The following MYH10 variants were observed in gnomAD, a reference collection of about 807,000 sequenced individuals.
The protein encoded by MYH10 is myosin heavy chain 10, also known as myosin-10.
MYH10 carries 55 observed loss-of-function variants against 257.8 expected under a neutral mutation model. That is an observed-to-expected ratio of 0.21 (90% CI 0.17 to 0.27). MYH10 has a LOEUF of 0.27. Ranked by LOEUF, MYH10 falls within the 10% of genes least tolerant of loss-of-function variation. The pLI is 1.00. For missense variants in MYH10, 1,631 were observed against 2,500.6 expected (o/e 0.65, Z 7.42); for synonymous variants, 854 against 921.7 (o/e 0.93, Z 1.33).
chr17:8,601,236 C>G (rs999708168), intron 3 of MYH10, among the ~76,000 whole-genome samples: 6 of 152,140 alleles, frequency 3.9e-5, no homozygotes, highest in Admixed American at 3.9e-4. Flanking sequence ...GCATCAGGAA[C>G]AAAGGAAGAC....
chr17:8,603,113 A>C (rs1180455557), intron 3 of MYH10, among the ~76,000 whole-genome samples: 1 of 152,204 alleles, frequency 6.6e-6, no homozygotes, highest in African/African-American at 2.4e-5. Context: ...ATCCCTGTTA[A>C]CTATTATGTT....
At chr17:8,527,300 G>T (rs1160508787) in intron 17 of MYH10, among the ~76,000 whole-genome samples, 1 of 152,186 alleles carries the variant, frequency 6.6e-6, no homozygotes, top group African/African-American at 2.4e-5. Flanking sequence ...GATTTAAGGA[G>T]AAAGCAATCT....
intron 23 of MYH10, among the ~76,000 whole-genome samples, chr17:8,513,176 G>C (rs532158707): frequency 9.2e-5 from 14 of 152,290 alleles, no homozygotes; most frequent in Non-Finnish European, 1.9e-4. Flanking sequence ...CTCTACTCAA[G>C]CATCTCGTCC....
intron 35 of MYH10, among the ~76,000 whole-genome samples, chr17:8,489,708 A>AAAACACACACACAC (rs1555570828): frequency 3.2e-5 from 3 of 93,146 alleles, no homozygotes; most frequent in African/African-American, 1.1e-4. Flanking sequence ...CGTCTGAAAA[A>AAAACACACACACAC]ACACACACAC....
At chr17:8,544,428 G>T (rs889384728) in intron 13 of MYH10, among the ~76,000 whole-genome samples, 1 of 152,004 alleles carries the variant, frequency 6.6e-6, no homozygotes, top group African/African-American at 2.4e-5. Context: ...TCTTCTGATC[G>T]TTTATGTAGA....
intron 21 of MYH10, among the ~76,000 whole-genome samples, chr17:8,516,825 T>C (rs2081482016): frequency 6.6e-6 from 1 of 152,170 alleles, no homozygotes; most frequent in African/African-American, 2.4e-5. Context: ...TTATTATTTA[T>C]ATAGTATCTA....
At chr17:8,481,807 A>C (rs1187707523) in intron 37 of MYH10, among the ~76,000 whole-genome samples, 4 of 152,214 alleles carry the variant, frequency 2.6e-5, no homozygotes, top group South Asian at 2.1e-4. Flanking sequence ...TCTTTCACAT[A>C]AACAGTTTGA....
At chr17:8,594,024 G>A (rs2084269600) in intron 3 of MYH10, among the ~76,000 whole-genome samples, 1 of 152,132 alleles carries the variant, frequency 6.6e-6, no homozygotes, top group African/African-American at 2.4e-5. Context: ...GACCTTTGTT[G>A]ATTTTCCACA....
At chr17:8,627,516 C>A (rs538326201) in intron 1 of MYH10, among the ~76,000 whole-genome samples, 17 of 152,190 alleles carry the variant, frequency 1.1e-4, no homozygotes, top group Non-Finnish European at 4.4e-5. Flanking sequence ...CCCTACCCTG[C>A]GTTGTACCAG....
In MYH10 at chr17:8,474,758, G is replaced by A. The variant is rs1284921614; in HGVS notation, c.*1046C>T. 6.5e-6 allele frequency: 1 copy of A among 152,714 alleles called. No homozygotes were observed. Among genetic ancestry groups the A allele is most frequent in the Non-Finnish European group, 1.5e-5 (1 of 68,116 alleles). The allele number at this position is 152,714 out of a possible 1,614,324, so 9.5% of individuals were successfully genotyped here. On this transcript the variant is annotated 3_prime_UTR_variant, in exon 43 of 43. Coordinates refer to ENST00000360416, the MANE Select transcript of MYH10 (RefSeq NM_001256012.3). ...CACTGTAACACTGTCCAAAGGGAAG[G>A]GAGAAGGAAAAATGAAGGAGTCACA...
Position 8,521,194 on chromosome 17 carries a change from G to A in MYH10, c.2049C>T (p.Thr683=), listed in dbSNP as rs868489738. 4 of 1,614,176 alleles carry A rather than the reference G, an allele frequency of 2.5e-6. No individual in the cohort carries two copies. The highest frequency in any genetic ancestry group is 2.5e-6 in the Non-Finnish European group (3 of 1,180,034). Residue 683 remains threonine, a synonymous_variant, in exon 18 of 43, where the codon ACC becomes ACT. Transcript: ENST00000360416. ...GAGATTCTTTGTAGAGTTGCCCAACGGTACGAAACATGCCCTTCTTGGTTT... is the reference window on the plus strand; with the variant it reads ...GAGATTCTTTGTAGAGTTGCCCAACAGTACGAAACATGCCCTTCTTGGTTT... The part of the protein sequence containing the change: ...AYKTKKGMFR[T]VGQLYKESLT...
chr17:8,546,925 T>C (rs567327214), intron 11 of MYH10, among the ~76,000 whole-genome samples: 1 of 152,316 alleles, frequency 6.6e-6, no homozygotes, highest in South Asian at 2.1e-4. Context: ...AGAGGCAGGT[T>C]CTCACTATGT....
chr17:8,603,432 T>C (rs938599326), intron 3 of MYH10, among the ~76,000 whole-genome samples: 3 of 152,224 alleles, frequency 2.0e-5, no homozygotes, highest in Non-Finnish European at 4.4e-5. Context: ...AAAATTAGAA[T>C]GATACATGTG....
chr17:8,496,827 A>T (rs1337157319), intron 30 of MYH10, among the ~76,000 whole-genome samples: 1 of 152,182 alleles, frequency 6.6e-6, no homozygotes, highest in African/African-American at 2.4e-5. Context: ...TTCCTGAACA[A>T]TAAGGGTGGC....
At position 8,479,151 on chromosome 17, in the gene MYH10, AC is replaced by A. The variant is rs529490434; in HGVS notation, c.5598-706del. Among the ~76,000 whole-genome samples the A allele has an allele frequency of 1.1e-3, 160 of 152,326 alleles. 1 individual carries two copies. Among genetic ancestry groups the A allele is most frequent in the African/African-American group, 3.6e-3 (150 of 41,580 alleles). On this transcript the variant is annotated intron_variant, in intron 40 of 42. Coordinates refer to ENST00000360416, the MANE Select transcript of MYH10 (RefSeq NM_001256012.3). ...ACCTAAACTTTTAGCCTGAGAAACAACCCAATTTATTAAGTGATTGTTTCAC... is the reference window on the plus strand; with the variant it reads ...ACCTAAACTTTTAGCCTGAGAAACAACCAATTTATTAAGTGATTGTTTCAC...
intron 9 of MYH10, 81 bp from the exon 10 acceptor site, chr17:8,548,868 G>C: frequency 7.9e-7 from 1 of 1,270,302 alleles, no homozygotes; most frequent in Non-Finnish European, 1.1e-6. Flanking sequence ...AACTGTGCCA[G>C]TGTCACAGGA....
intron 3 of MYH10, among the ~76,000 whole-genome samples, chr17:8,599,167 T>G (rs1450205921): frequency 6.6e-6 from 1 of 152,242 alleles, no homozygotes; most frequent in Non-Finnish European, 1.5e-5. Context: ...CTTGTCTTAT[T>G]GCACTGTGGT....
At chr17:8,513,152 G>A (rs1325828837) in intron 23 of MYH10, among the ~76,000 whole-genome samples, 4 of 152,168 alleles carry the variant, frequency 2.6e-5, no homozygotes, top group African/African-American at 9.6e-5. Context: ...TGCTAGAGAA[G>A]TTCAGGTGGT....
chr17:8,513,277 TGA>T, intron 23 of MYH10, among the ~76,000 whole-genome samples: 1 of 152,340 alleles, frequency 6.6e-6, no homozygotes, highest in Admixed American at 6.5e-5. Flanking sequence ...AGTACATGCT[TGA>T]CACCAAGAAT....
Sources: gnomAD v4.1 joint callset for allele counts (sites outside exome capture counted in the v4.1 genomes callset) on GRCh38, gnomAD v4.1.1 for gene constraint, MANE v1.5 for transcripts, NCBI Gene and HGNC (gene_info 2026-07-23, HGNC 2026-07-21) for gene names.